Variants in WDR59 observed in about 807,000 individuals in gnomAD.
WDR59 encodes WD repeat domain 59.
Under a neutral mutation model 131.2 loss-of-function variants are expected in WDR59, and 100 were observed. That is an observed-to-expected ratio of 0.76 (90% confidence interval 0.65 to 0.90). The LOEUF is 0.90. Ranked by LOEUF, WDR59 falls within the 40% of genes least tolerant of loss-of-function variation. WDR59 has a pLI of 0.00. For missense variants in WDR59, 1,203 were observed against 1,262.2 expected (o/e 0.95, Z 0.71); for synonymous variants, 601 against 466.2 (o/e 1.29, Z -3.72).
chr16:74,911,990 C>T, intron 14 of WDR59: 1 of 609,908 alleles, frequency 1.6e-6, no homozygotes, highest in Non-Finnish European at 2.8e-6. Flanking sequence ...CAAAGGAAGT[C>T]TATGACCCAA....
At chr16:74,886,557 C>T (rs1433928459) in intron 23 of WDR59, 161 bp from the exon 24 acceptor site, 6 of 992,922 alleles carry the variant, frequency 6.0e-6, no homozygotes, top group African/African-American at 3.3e-5. Context: ...CTCTCTCCTA[C>T]CCTTGCCTTT....
chr16:74,874,586 T>G (rs1264582242), intron 25 of WDR59, 142 bp from the exon 26 acceptor site: 3 of 694,306 alleles, frequency 4.3e-6, no homozygotes, highest in South Asian at 4.0e-5. Flanking sequence ...TCATTTTCTG[T>G]TTTTTTTATT....
chr16:74,900,010 C>A (rs942828502), intron 18 of WDR59, among the ~76,000 whole-genome samples: 1 of 152,096 alleles, frequency 6.6e-6, no homozygotes, highest in Non-Finnish European at 1.5e-5. Flanking sequence ...AGTCACATTT[C>A]AAGGTATATG....
At chr16:74,903,480 T>A (rs1965651127) in intron 18 of WDR59, among the ~76,000 whole-genome samples, 1 of 135,658 alleles carries the variant, frequency 7.4e-6, no homozygotes, top group Non-Finnish European at 1.6e-5. Flanking sequence ...TATTTCCATG[T>A]AGACTTAGTA....
At chr16:74,888,487 C>A (rs1321690183) in intron 21 of WDR59, among the ~76,000 whole-genome samples, 168 bp from the exon 22 acceptor site, 4 of 152,202 alleles carry the variant, frequency 2.6e-5, no homozygotes, top group Non-Finnish European at 4.4e-5. Context: ...GCAGTTTGAC[C>A]TACTTTGAGT....
intron 11 of WDR59, among the ~76,000 whole-genome samples, chr16:74,917,059 A>G (rs991411259): frequency 7.9e-5 from 12 of 152,082 alleles, no homozygotes; most frequent in African/African-American, 2.9e-4. Context: ...GCTGTGGGAG[A>G]TCCAATACAA....
chr16:74,972,276 G>C (rs995000826), intron 1 of WDR59, among the ~76,000 whole-genome samples: 1 of 152,136 alleles, frequency 6.6e-6, no homozygotes, highest in African/African-American at 2.4e-5. Flanking sequence ...GAAACGTCAA[G>C]CTAACTGATG....
chr16:74,887,846 G>A (rs927343983), intron 22 of WDR59, 91 bp from the exon 23 acceptor site: 42 of 1,297,094 alleles, frequency 3.2e-5, no homozygotes, highest in Admixed American at 3.1e-4. Flanking sequence ...GGCCAAGCAC[G>A]GTGGCTCATG....
intron 18 of WDR59, among the ~76,000 whole-genome samples, chr16:74,903,062 C>T (rs1041093213): frequency 1.3e-5 from 2 of 152,146 alleles, no homozygotes; most frequent in African/African-American, 4.8e-5. Flanking sequence ...CAGTGTAAAC[C>T]AAGAAGGTTG....
At chr16:74,908,880 G>A (rs181285026) in intron 17 of WDR59, 28 bp downstream of exon 17, 21 of 1,608,916 alleles carry the variant, frequency 1.3e-5, no homozygotes, top group Non-Finnish European at 1.6e-5. Context: ...CGGGAACGTA[G>A]AGCGGCTTCT....
chr16:74,981,660 A>ATTTTTTTTTTTTTTTTTTTT (rs1181233727), intron 1 of WDR59, among the ~76,000 whole-genome samples: 5 of 80,860 alleles, frequency 6.2e-5, no homozygotes, highest in African/African-American at 3.7e-4. Flanking sequence ...ATATATATAT[A>ATTTTTTTTTTTTTTTTTTTT]TTTTTTTTTT....
In WDR59 at chr16:74,912,118, G is replaced by A. The variant is rs116211203; in HGVS notation, c.1389+80C>T. 1.3e-3 allele frequency: 1,981 copies of A among 1,581,896 alleles called. 23 individuals carry two copies. In the African/African-American group the frequency reaches 0.023, roughly 18 times the overall value. The stretch of plus-strand genomic sequence containing the variant: ...AGATGACTTCCGAATCTCATCTACT[G>A]GAGTTTTCATTCTTCTTTACTAATC... On this transcript the variant is annotated intron_variant, in intron 14 of 25. Coordinates refer to ENST00000262144, the MANE Select transcript of WDR59 (RefSeq NM_030581.4).
intron 18 of WDR59, among the ~76,000 whole-genome samples, chr16:74,903,571 C>A (rs1965656328): frequency 6.6e-6 from 1 of 151,804 alleles, no homozygotes. Context: ...ATTGAGATCC[C>A]AAGACTCCAG....
At chr16:74,945,224 G>C (rs376769150) in intron 6 of WDR59, among the ~76,000 whole-genome samples, 10 of 151,682 alleles carry the variant, frequency 6.6e-5, no homozygotes, top group East Asian at 2.0e-4. Context: ...CGCCTGTAAT[G>C]CCAGCACTTT....
At chr16:74,982,046 C>T (rs1427627219) in intron 1 of WDR59, among the ~76,000 whole-genome samples, 3 of 144,656 alleles carry the variant, frequency 2.1e-5, no homozygotes, top group Admixed American at 6.8e-5. Context: ...ACTTGAACCT[C>T]GGAGTTCAAG....
At chr16:74,966,222 G>A (rs2145197848) in intron 1 of WDR59, among the ~76,000 whole-genome samples, 1 of 152,244 alleles carries the variant, frequency 6.6e-6, no homozygotes, top group East Asian at 1.9e-4. Context: ...GCTCACACCT[G>A]TAATCCCAGC....
At chr16:74,924,241 G>C (rs1270365962) in intron 8 of WDR59, among the ~76,000 whole-genome samples, 2 of 152,126 alleles carry the variant, frequency 1.3e-5, no homozygotes, top group Non-Finnish European at 2.9e-5. Context: ...AAACGCGGCA[G>C]GTCACTGTCA....
chr16:74,912,391 A>C (rs1164612945), intron 13 of WDR59, 29 bp from the exon 14 acceptor site: 1 of 1,600,256 alleles, frequency 6.2e-7, no homozygotes, highest in East Asian at 2.2e-5. Flanking sequence ...CAATTGCTGT[A>C]GAAACAAACC....
intron 8 of WDR59, among the ~76,000 whole-genome samples, chr16:74,932,017 G>C (rs902963907): frequency 6.6e-6 from 1 of 151,290 alleles, no homozygotes; most frequent in Admixed American, 6.6e-5. Context: ...TTAAGACCTT[G>C]AACTAATATT....
Sources: gnomAD v4.1 joint callset for allele counts (sites outside exome capture counted in the v4.1 genomes callset) on GRCh38, gnomAD v4.1.1 for gene constraint, MANE v1.5 for transcripts, NCBI Gene and HGNC (gene_info 2026-07-23, HGNC 2026-07-21) for gene names.